Variants in SAMD5 observed in about 807,000 individuals in gnomAD.
SAMD5 encodes sterile alpha motif domain-containing protein 5.
SAMD5 carries 13 observed loss-of-function variants against 11.3 expected under a neutral mutation model. The ratio of observed to expected loss-of-function variants is 1.15; its 90% CI spans 0.75 to 1.83. The LOEUF (loss-of-function observed/expected upper bound fraction) is 1.83, where lower values mean the gene tolerates loss of function less well. Among genes scored for constraint, SAMD5 ranks in the 40% most tolerant of loss-of-function variants. The pLI is 0.00. For missense variants in SAMD5, 255 were observed against 239.1 expected (o/e 1.07, Z -0.44); for synonymous variants, 129 against 111.3 (o/e 1.16, Z -1.00).
chr6:147,660,074 C>T (rs924800930), intron 1 of SAMD5, among the ~76,000 whole-genome samples: 6 of 152,116 alleles, frequency 3.9e-5, no homozygotes, highest in African/African-American at 1.4e-4. Context: ...TGACAGGAAG[C>T]TTTGAGGTTG....
At chr6:147,801,757 A>G in the SAMD5 span, among the ~76,000 whole-genome samples, 2 of 152,216 alleles carry the variant, frequency 1.3e-5, no homozygotes, top group Non-Finnish European at 2.9e-5. Context: ...GCATTAAAGT[A>G]GATAAACAAA....
chr6:147,750,378 T>G, the SAMD5 span, among the ~76,000 whole-genome samples: 1 of 152,248 alleles, frequency 6.6e-6, no homozygotes, highest in African/African-American at 2.4e-5. Flanking sequence ...GGTTATTATG[T>G]TATCAATTTA....
At chr6:147,535,427 C>G (rs1014560813) in intron 1 of SAMD5, among the ~76,000 whole-genome samples, 3 of 152,176 alleles carry the variant, frequency 2.0e-5, no homozygotes, top group African/African-American at 7.2e-5. Flanking sequence ...GGATTTTAAC[C>G]TGCACATAAT....
chr6:147,712,278 A>G (rs1042186193), intron 1 of SAMD5, among the ~76,000 whole-genome samples: 1 of 152,146 alleles, frequency 6.6e-6, no homozygotes, highest in African/African-American at 2.4e-5. Context: ...CTGTGCCACC[A>G]CTCACACATA....
the SAMD5 span, among the ~76,000 whole-genome samples, chr6:147,909,622 T>TTCTCTCTCTCTCTCTCTCTCTCTC: frequency 2.9e-5 from 2 of 69,766 alleles, no homozygotes; most frequent in African/African-American, 1.6e-4. Flanking sequence ...CTTTCTTTCT[T>TTCTCTCTCTCTCTCTCTCTCTCTC]TCTTTCTTTC....
chr6:147,938,057 G>A, the SAMD5 span, among the ~76,000 whole-genome samples: 1 of 152,120 alleles, frequency 6.6e-6, no homozygotes, highest in Non-Finnish European at 1.5e-5. Context: ...TAATTCAAGA[G>A]GTGATTGAGT....
chr6:147,518,379 TTGTC>T (rs1269816425), intron 1 of SAMD5, among the ~76,000 whole-genome samples: 1 of 152,198 alleles, frequency 6.6e-6, no homozygotes, highest in South Asian at 2.1e-4. Flanking sequence ...CTCATGAACT[TTGTC>T]TGTTCTTCAG....
chr6:147,514,584 AGCAGT>A (rs1456016536), intron 1 of SAMD5, among the ~76,000 whole-genome samples: 7 of 152,172 alleles, frequency 4.6e-5, no homozygotes, highest in Non-Finnish European at 1.0e-4. Flanking sequence ...CATCATGTCT[AGCAGT>A]GCTTATAGGG....
chr6:147,515,922 G>A (rs1788163979), intron 1 of SAMD5, among the ~76,000 whole-genome samples: 1 of 152,114 alleles, frequency 6.6e-6, no homozygotes, highest in Admixed American at 6.6e-5. Flanking sequence ...AAGGGTTAAT[G>A]AAGAAGAACT....
intron 1 of SAMD5, among the ~76,000 whole-genome samples, chr6:147,551,323 T>C (rs186794956): frequency 2.5e-4 from 38 of 152,208 alleles, no homozygotes; most frequent in Non-Finnish European, 4.7e-4. Flanking sequence ...ATTTCATAGG[T>C]CAAAAAACAA....
At chr6:147,546,794 A>G (rs1390437931) in intron 1 of SAMD5, among the ~76,000 whole-genome samples, 1 of 152,224 alleles carries the variant, frequency 6.6e-6, no homozygotes, top group Non-Finnish European at 1.5e-5. Flanking sequence ...CCAAAAATGC[A>G]TGGCATCTTT....
intron 1 of SAMD5, among the ~76,000 whole-genome samples, chr6:147,670,346 A>G (rs1474196145): frequency 6.6e-6 from 1 of 152,240 alleles, no homozygotes; most frequent in East Asian, 1.9e-4. Context: ...TTGAATGAGC[A>G]TTAGCTTCAG....
At chr6:147,805,467 A>C in the SAMD5 span, among the ~76,000 whole-genome samples, 1 of 152,224 alleles carries the variant, frequency 6.6e-6, no homozygotes, top group African/African-American at 2.4e-5. Context: ...ATGATAACTG[A>C]TTTGAAAAGA....
chr6:147,552,509 G>A (rs994191031), intron 1 of SAMD5, among the ~76,000 whole-genome samples: 3 of 152,178 alleles, frequency 2.0e-5, no homozygotes, highest in African/African-American at 7.2e-5. Context: ...ATTAATACAA[G>A]ACTCTTGGAA....
At chr6:147,838,435 A>G in the SAMD5 span, among the ~76,000 whole-genome samples, 63 of 152,008 alleles carry the variant, frequency 4.1e-4, no homozygotes, top group African/African-American at 1.5e-3. Context: ...GGGTAATAAT[A>G]CTGTTTAATG....
chr6:147,521,089 CAT>C (rs1157621379), intron 1 of SAMD5, among the ~76,000 whole-genome samples: 1 of 152,076 alleles, frequency 6.6e-6, no homozygotes, highest in Non-Finnish European at 1.5e-5. Flanking sequence ...TTAATTTAAA[CAT>C]ATCCTTATTG....
chr6:147,561,226 G>T (rs1182006206), intron 1 of SAMD5, among the ~76,000 whole-genome samples: 1 of 152,160 alleles, frequency 6.6e-6, no homozygotes, highest in African/African-American at 2.4e-5. Context: ...CGGAGTCTCT[G>T]TCACCAGGCT....
chr6:147,738,847 C>A (rs1177809084), downstream of SAMD5, among the ~76,000 whole-genome samples: 1 of 152,190 alleles, frequency 6.6e-6, no homozygotes, highest in Non-Finnish European at 1.5e-5. Context: ...TATGTGAAAT[C>A]TCTTGATTTT....
At chr6:147,621,715 C>A (rs891503393) in intron 1 of SAMD5, among the ~76,000 whole-genome samples, 56 of 152,310 alleles carry the variant, frequency 3.7e-4, no homozygotes, top group African/African-American at 1.3e-3. Flanking sequence ...GTTCCCTGCT[C>A]TCCCTCCCTT....
Sources: gnomAD v4.1 joint callset for allele counts (sites outside exome capture counted in the v4.1 genomes callset) on GRCh38, gnomAD v4.1.1 for gene constraint, MANE v1.5 for transcripts, NCBI Gene and HGNC (gene_info 2026-07-23, HGNC 2026-07-21) for gene names.